FNBP4: variants seen among roughly 807,000 people sequenced by gnomAD.
FNBP4 encodes formin binding protein 4.
Under a neutral mutation model 119.3 loss-of-function variants are expected in FNBP4, and 34 were observed. That is an observed-to-expected ratio of 0.28 (90% confidence interval 0.22 to 0.38). FNBP4 has a LOEUF of 0.38. FNBP4 is among the 10% of genes least tolerant of loss of function. The pLI is 1.00. For synonymous variants in FNBP4, 462 were observed against 430.6 expected (o/e 1.07, Z -0.90); for missense variants, 1,112 against 1,228.9 (o/e 0.90, Z 1.42).
chr11:47,764,681 A>G (rs2097643068), intron 2 of FNBP4, among the ~76,000 whole-genome samples: 1 of 152,180 alleles, frequency 6.6e-6, no homozygotes, highest in Admixed American at 6.5e-5. Flanking sequence ...TCCAAGATAC[A>G]CAGAGTAGAG....
chr11:47,753,205 T>C, intron 3 of FNBP4, 103 bp from the exon 4 acceptor site: 1 of 865,052 alleles, frequency 1.2e-6, no homozygotes, highest in Non-Finnish European at 1.7e-6. Context: ...CCGGGCACAG[T>C]GGCTCACACC....
rs982268571 is a variant in FNBP4 at position 47,753,051 on chromosome 11, C to G, written c.502G>C (p.Ala168Pro). The G allele has an allele frequency of 1.2e-6, 2 of 1,614,048 alleles. No individual in the cohort carries two copies. The highest frequency in any genetic ancestry group is 1.7e-6 in the Non-Finnish European group (2 of 1,179,988). ...GGTCGAGGTGGAGTTGGAGGTGGAGCAGAAGCTCCTACAGGAGCTGCAGGC... is the reference window on the plus strand; with the variant it reads ...GGTCGAGGTGGAGTTGGAGGTGGAGGAGAAGCTCCTACAGGAGCTGCAGGC... ...PQPAAPVGAS[A>P]PPPTPPRPEP... Residue 168 changes from alanine to proline, a missense_variant, in exon 4 of 17, where the codon GCT (alanine) becomes CCT (proline). This residue lies in a region of FNBP4 where 286 missense variants were observed against 240.1 expected (regional missense o/e 1.19). Transcript: ENST00000263773.
At chr11:47,743,056 GTCCAGGGA>G (rs1408707078) in intron 8 of FNBP4, among the ~76,000 whole-genome samples, 1 of 151,898 alleles carries the variant, frequency 6.6e-6, no homozygotes, top group African/African-American at 2.4e-5. Context: ...AACTCCTAGG[GTCCAGGGA>G]TCCTTCTGCC....
At chr11:47,755,107 CT>C (rs1163961906) in intron 2 of FNBP4, among the ~76,000 whole-genome samples, 2 of 150,284 alleles carry the variant, frequency 1.3e-5, no homozygotes, top group Admixed American at 6.7e-5. Flanking sequence ...GCACTCCACC[CT>C]GGGCAAAAGA....
rs779504598 is a variant in FNBP4, at chr11:47,724,513, A to G, written c.2274T>C (p.Asp758=). ...EEPPAPGTEE[D]TPLKPSAQTT... is the part of the protein sequence containing the mutation. ...TTTGTGCTGAAGGTTTCAAAGGGGT[A>G]TCTTCCTCTGTTCCTGGGGCAGGGG... Residue 758 remains aspartate (D), a synonymous_variant, in exon 13 of 17, where the codon GAT becomes GAC. Coordinates refer to ENST00000263773, the MANE Select transcript of FNBP4 (RefSeq NM_015308.5). 6.2e-7 allele frequency: 1 copy of G among 1,614,230 alleles called. No individual in the cohort carries two copies. The highest frequency in any genetic ancestry group is 1.7e-5 in the Admixed American group (1 of 60,026).
intron 2 of FNBP4, among the ~76,000 whole-genome samples, chr11:47,760,305 A>G (rs892698468): frequency 2.0e-5 from 3 of 146,380 alleles, no homozygotes; most frequent in Non-Finnish European, 4.5e-5. Flanking sequence ...TCTGTCACCC[A>G]GGGTGAAATG....
At chr11:47,742,059 C>G (rs186118661) in intron 8 of FNBP4, among the ~76,000 whole-genome samples, 52 of 152,114 alleles carry the variant, frequency 3.4e-4, no homozygotes, top group Admixed American at 2.0e-3. Context: ...TGTATGTTGC[C>G]TAATAATCTA....
At chr11:47,724,841 G>T in intron 12 of FNBP4, 63 bp from the exon 13 acceptor site, 1 of 1,509,990 alleles carries the variant, frequency 6.6e-7, no homozygotes, top group Non-Finnish European at 8.8e-7. Context: ...TATATTCATA[G>T]AAATGTTCAA....
At chr11:47,739,923 C>T (rs971783858) in intron 8 of FNBP4, among the ~76,000 whole-genome samples, 4 of 151,254 alleles carry the variant, frequency 2.6e-5, no homozygotes, top group East Asian at 2.0e-4. Flanking sequence ...GGATTACAGG[C>T]ATGCGCCACC....
At chr11:47,722,936 T>A in intron 15 of FNBP4, 40 bp downstream of exon 15, 1 of 1,459,278 alleles carries the variant, frequency 6.9e-7, no homozygotes, top group Non-Finnish European at 9.0e-7. Context: ...CTCAATAAAA[T>A]TTTTAAAAAT....
chr11:47,727,653 A>G (rs559861243), intron 12 of FNBP4, among the ~76,000 whole-genome samples: 126 of 152,342 alleles, frequency 8.3e-4, no homozygotes, highest in Non-Finnish European at 1.2e-3. Flanking sequence ...ATAAATAATA[A>G]AAATACTCCA....
chr11:47,756,134 T>C lies in FNBP4; in HGVS notation c.314-1470A>G, dbSNP rs78477973. ...ACATGGCTAAAACCAATGATCAATG[T>C]CTTCCTCAAATTTAAGTGGTATCAG... On this transcript the variant is annotated intron_variant, in intron 2 of 16. Transcript: ENST00000263773. Among the ~76,000 whole-genome samples, 796 of 152,298 alleles carry C rather than the reference T, an allele frequency of 5.2e-3. 9 individuals are homozygous for C. Among genetic ancestry groups the C allele is most frequent in the African/African-American group, 0.017 (715 of 41,568 alleles).
chr11:47,749,480 T>C (rs908632864), intron 6 of FNBP4, among the ~76,000 whole-genome samples: 1 of 152,082 alleles, frequency 6.6e-6, no homozygotes, highest in Non-Finnish European at 1.5e-5. Flanking sequence ...TGCTTGAAAC[T>C]GGGAGGCGGA....
intron 2 of FNBP4, among the ~76,000 whole-genome samples, chr11:47,756,816 T>C (rs965056496): frequency 2.0e-5 from 3 of 152,062 alleles, no homozygotes; most frequent in African/African-American, 7.2e-5. Context: ...GTCCTTGCGA[T>C]AGTTTGCTCA....
chr11:47,723,052 G>A lies in FNBP4; in HGVS notation c.2729C>T (p.Pro910Leu). 1 of 1,590,652 alleles carries A rather than the reference G, an allele frequency of 6.3e-7. No homozygotes were observed. The highest frequency in any genetic ancestry group is 8.6e-7 in the Non-Finnish European group (1 of 1,168,168). The change falls in exon 15 of 17, where the codon CCT (proline) becomes CTT (leucine). Residue 910 changes from proline (P) to leucine (L), a missense_variant. Physicochemically the swap from Pro to Leu is moderately conservative, Grantham distance 98. Transcript: ENST00000263773. Reference sequence around the variant, plus strand: ...TGGTGGTGGTGGAGGAGGAGGAGGAGGAGGTGGTGGTGGTGGTTCTATAAT... The same window carrying A: ...TGGTGGTGGTGGAGGAGGAGGAGGAAGAGGTGGTGGTGGTGGTTCTATAAT... Reference protein sequence around the residue: ...ATIIEPPPPPPPPPPPPPPAP... With the variant: ...ATIIEPPPPPLPPPPPPPPAP...
chr11:47,736,185 G>A (rs1188076191), intron 9 of FNBP4, among the ~76,000 whole-genome samples: 1 of 151,032 alleles, frequency 6.6e-6, no homozygotes, highest in Non-Finnish European at 1.5e-5. Flanking sequence ...AGGTTGCAGT[G>A]AGCCAAGATC....
At chr11:47,764,123 T>C (rs1430754246) in intron 2 of FNBP4, among the ~76,000 whole-genome samples, 1 of 152,208 alleles carries the variant, frequency 6.6e-6, no homozygotes, top group Non-Finnish European at 1.5e-5. Context: ...TTTTATTTTA[T>C]GTATTTATTT....
intron 7 of FNBP4, among the ~76,000 whole-genome samples, chr11:47,745,001 A>T (rs1311795137): frequency 1.3e-5 from 2 of 152,204 alleles, no homozygotes; most frequent in African/African-American, 4.8e-5. Flanking sequence ...GACATTTATC[A>T]ATTCCCAAAT....
rs771630039 is a variant in FNBP4, at chr11:47,754,621, A to G, written c.357T>C (p.Asp119=). ...LLGAYADSDD[D]DNDVSEKLAQ... ...CTAGTTTTTCGGAAACATCATTGTC[A>G]TCGTCATCACTGTCAGCATAAGCAC... The change falls in exon 3 of 17, where the codon GAT becomes GAC. Residue 119 remains aspartate (D), a synonymous_variant. Transcript: ENST00000263773. 23 of 1,614,058 alleles carry G rather than the reference A, an allele frequency of 1.4e-5. No homozygotes were observed. Among genetic ancestry groups the G allele is most frequent in the Non-Finnish European group, 1.4e-5 (17 of 1,180,038 alleles).
Sources: gnomAD v4.1 joint callset for allele counts (sites outside exome capture counted in the v4.1 genomes callset) on GRCh38, gnomAD v4.1.1 for gene constraint, gnomAD v4.1.1 regional missense constraint, MANE v1.5 for transcripts, NCBI Gene and HGNC (gene_info 2026-07-23, HGNC 2026-07-21) for gene names.